The following ARID5B variants were observed in gnomAD, a reference collection of about 807,000 sequenced individuals.
ARID5B encodes AT-rich interaction domain 5B, also known as AT-rich interactive domain-containing protein 5B.
Under a neutral mutation model 97.2 loss-of-function variants are expected in ARID5B, and 13 were observed. The observed-to-expected ratio is 0.13, with a 90% CI of 0.09 to 0.21. The LOEUF is 0.21. Among genes scored for constraint, ARID5B ranks in the 10% least tolerant of loss-of-function variants. ARID5B has a pLI of 1.00. For missense variants in ARID5B, 1,210 were observed against 1,465.3 expected, an observed-to-expected ratio of 0.83 and a Z score of 2.84; for synonymous variants, 556 against 570.3, an observed-to-expected ratio of 0.97 and a Z score of 0.36.
intron 1 of ARID5B, among the ~76,000 whole-genome samples, 186 bp from the exon 2 acceptor site, chr10:61,901,973 G>GTTTT (rs371641779): frequency 2.3e-5 from 3 of 131,606 alleles, no homozygotes; most frequent in Admixed American, 7.5e-5. Context: ...GGGGCCCTGA[G>GTTTT]TTTTTTTTTT....
At chr10:61,928,573 A>G (rs1029961073) in intron 2 of ARID5B, among the ~76,000 whole-genome samples, 2 of 152,124 alleles carry the variant, frequency 1.3e-5, no homozygotes, top group African/African-American at 4.8e-5. Flanking sequence ...GATTACAGGC[A>G]TGAGCCACCG....
Position 62,022,064 on chromosome 10 carries a change from CT to C in ARID5B, c.733+21744del, listed in dbSNP as rs201934649. Among the ~76,000 whole-genome samples, 421 of 152,362 alleles carry C rather than the reference CT, an allele frequency of 2.8e-3. 1 individual carries two copies. Among genetic ancestry groups the C allele is most frequent in the African/African-American group, 9.6e-3 (399 of 41,580 alleles). ...AGCTTTAAGCCCTGGCACTGTCCCC[CT>C]GTCCCATGTTCTCTTCTTTACTGAA... On this transcript the variant is annotated intron_variant, in intron 4 of 9. Coordinates refer to ENST00000279873, the MANE Select transcript of ARID5B (RefSeq NM_032199.3).
chr10:61,949,271 G>C (rs1368682103), intron 3 of ARID5B, among the ~76,000 whole-genome samples: 3 of 152,166 alleles, frequency 2.0e-5, no homozygotes, highest in Non-Finnish European at 4.4e-5. Flanking sequence ...GACTTAAGCT[G>C]TTCTTGTTTT....
intron 3 of ARID5B, among the ~76,000 whole-genome samples, chr10:61,946,219 G>T (rs1036905919): frequency 5.9e-5 from 9 of 151,922 alleles, no homozygotes; most frequent in Non-Finnish European, 1.2e-4. Context: ...GATTCTGGAG[G>T]CCTCGTATTG....
intron 3 of ARID5B, among the ~76,000 whole-genome samples, chr10:61,993,120 TACACACAC>T (rs35119824): frequency 5.5e-4 from 82 of 148,138 alleles, no homozygotes; most frequent in Middle Eastern, 3.5e-3. Context: ...GGAAGGGAGA[TACACACAC>T]ACACACACAC....
intron 2 of ARID5B, among the ~76,000 whole-genome samples, chr10:61,928,309 A>T (rs1395260018): frequency 6.6e-6 from 1 of 151,862 alleles, no homozygotes; most frequent in Non-Finnish European, 1.5e-5. Flanking sequence ...TACTATCATT[A>T]TTATTATTGA....
At chr10:62,004,843 A>G (rs573452326) in intron 4 of ARID5B, among the ~76,000 whole-genome samples, 3 of 152,344 alleles carry the variant, frequency 2.0e-5, no homozygotes, top group African/African-American at 7.2e-5. Context: ...CACTCAGTAC[A>G]GTAGATAAAA....
chr10:62,003,553 C>T (rs949011914), intron 4 of ARID5B, among the ~76,000 whole-genome samples: 1 of 152,204 alleles, frequency 6.6e-6, no homozygotes, highest in African/African-American at 2.4e-5. Context: ...AACTGTTGAT[C>T]TGTCTTAGGT....
intron 3 of ARID5B, among the ~76,000 whole-genome samples, chr10:61,978,534 G>A (rs538812848): frequency 6.6e-4 from 101 of 152,134 alleles, no homozygotes; most frequent in Middle Eastern, 6.8e-3. Flanking sequence ...CTTTTATTTC[G>A]TTGAGCAGTG....
At chr10:62,002,032 G>A (rs1839086363) in intron 4 of ARID5B, among the ~76,000 whole-genome samples, 2 of 152,018 alleles carry the variant, frequency 1.3e-5, no homozygotes, top group African/African-American at 4.8e-5. Flanking sequence ...CCTACTTGCC[G>A]CTCAAGAGGT....
At chr10:61,901,999 G>A (rs1843624771) in intron 1 of ARID5B, among the ~76,000 whole-genome samples, 160 bp from the exon 2 acceptor site, 1 of 145,926 alleles carries the variant, frequency 6.9e-6, no homozygotes, top group Non-Finnish European at 1.5e-5. Flanking sequence ...TTTTAGGGAA[G>A]CAGAAAATTT....
intron 3 of ARID5B, among the ~76,000 whole-genome samples, chr10:61,975,126 C>G (rs1838681840): frequency 6.6e-6 from 1 of 152,002 alleles, no homozygotes; most frequent in Non-Finnish European, 1.5e-5. Flanking sequence ...ATAAAGAATT[C>G]AAAATGCAAA....
chr10:61,935,497 T>C (rs1428824123), intron 2 of ARID5B, among the ~76,000 whole-genome samples: 1 of 152,058 alleles, frequency 6.6e-6, no homozygotes, highest in Non-Finnish European at 1.5e-5. Context: ...TGATTCAATT[T>C]ATATGACATT....
chr10:61,972,640 C>T (rs1838645154), intron 3 of ARID5B, among the ~76,000 whole-genome samples: 1 of 152,200 alleles, frequency 6.6e-6, no homozygotes, highest in South Asian at 2.1e-4. Context: ...AGTGCCATAG[C>T]TTATCTGACT....
intron 4 of ARID5B, among the ~76,000 whole-genome samples, chr10:62,021,260 A>G (rs989941513): frequency 6.6e-6 from 1 of 152,010 alleles, no homozygotes; most frequent in Non-Finnish European, 1.5e-5. Context: ...CCATTTAAAA[A>G]ACTTAGACTA....
chr10:61,931,418 A>G (rs922752019), intron 2 of ARID5B, among the ~76,000 whole-genome samples: 4 of 152,220 alleles, frequency 2.6e-5, no homozygotes, highest in African/African-American at 9.6e-5. Context: ...AACAGAACAT[A>G]GGAGAAACTC....
rs185901047 is a variant in ARID5B, at chr10:61,934,945, G to A, written c.277-5238G>A. 5.6e-3 allele frequency among the ~76,000 whole-genome samples: 855 copies of A among 151,740 alleles called. 10 individuals are homozygous for A. The Middle Eastern group carries it at 0.058, about 10-fold the overall frequency. On this transcript the variant is annotated intron_variant, in intron 2 of 9. Coordinates refer to ENST00000279873, the MANE Select transcript of ARID5B (RefSeq NM_032199.3). Reference sequence around the variant, plus strand: ...AGAGAATTGTCTGAATCCCGGAGGCGGAGGTTGCAGTGAGCCGAGATTGCA... The same window carrying A: ...AGAGAATTGTCTGAATCCCGGAGGCAGAGGTTGCAGTGAGCCGAGATTGCA...
In ARID5B at chr10:62,091,552, T is replaced by C; in HGVS notation, c.2089T>C (p.Ser697Pro). 6.2e-7 allele frequency: 1 copy of C among 1,613,270 alleles called. No homozygotes were observed. Among genetic ancestry groups the C allele is most frequent in the Non-Finnish European group, 8.5e-7 (1 of 1,179,700 alleles). Residue 697 changes from serine to proline, a missense_variant, in exon 10 of 10, where the codon TCC (serine) becomes CCC (proline). This residue lies in a region of ARID5B where 800 missense variants were observed against 839.1 expected (regional missense o/e 0.95). Transcript: ENST00000279873. ...CCCACTGGCCAAGAAAAAGCTTTTGTCCCAAGTGAGTGGGGCCAGCCTCTC... is the reference window on the plus strand; with the variant it reads ...CCCACTGGCCAAGAAAAAGCTTTTGCCCCAAGTGAGTGGGGCCAGCCTCTC... ...MSPLAKKKLLSQVSGASLSSS... is the reference protein window; with the variant it reads ...MSPLAKKKLLPQVSGASLSSS...
Position 62,026,107 on chromosome 10 carries a change from T to C in ARID5B, c.734-24781T>C, listed in dbSNP as rs139867862. Among the ~76,000 whole-genome samples, 6 of 152,352 alleles carry C rather than the reference T, an allele frequency of 3.9e-5. No homozygotes were observed. The East Asian group carries it at 1.2e-3, about 29-fold the overall frequency. ...CTTTCAGTCGGGTTCAGATTCCAAG[T>C]GCCTTTTCCATGAGTGGAGTTAGAT... On this transcript the variant is annotated intron_variant, in intron 4 of 9. Coordinates refer to ENST00000279873, the MANE Select transcript of ARID5B (RefSeq NM_032199.3).
Sources: allele counts gnomAD v4.1 joint callset (sites outside exome capture counted in the v4.1 genomes callset), GRCh38; gene constraint gnomAD v4.1.1; regional missense constraint gnomAD v4.1.1; transcripts MANE v1.5; gene names NCBI Gene and HGNC (gene_info 2026-07-23, HGNC 2026-07-21).